The following ANKS1B variants were observed in gnomAD, a reference collection of about 807,000 sequenced individuals.
ANKS1B encodes ankyrin repeat and sterile alpha motif domain-containing protein 1B.
ANKS1B carries 36 observed loss-of-function variants against 148.3 expected under a neutral mutation model. The observed-to-expected ratio is 0.24, with a 90% CI of 0.19 to 0.32. The LOEUF is 0.32. Among genes scored for constraint, ANKS1B ranks in the 10% least tolerant of loss-of-function variants. The probability of loss-of-function intolerance (pLI) is 1.00; values close to 1 mark genes in which losing one functional copy is unlikely to be tolerated. For missense variants in ANKS1B, 1,157 were observed against 1,542.6 expected (o/e 0.75, Z 4.19); for synonymous variants, 542 against 560.8 (o/e 0.97, Z 0.47).
At chr12:99,849,938 T>C (rs1487883546) in intron 1 of ANKS1B, among the ~76,000 whole-genome samples, 2 of 152,114 alleles carry the variant, frequency 1.3e-5, no homozygotes, top group Non-Finnish European at 2.9e-5. Flanking sequence ...TGTAAACTTA[T>C]GATTTACATA....
intron 17 of ANKS1B, among the ~76,000 whole-genome samples, chr12:98,934,731 T>C (rs777721721): frequency 6.6e-6 from 1 of 152,062 alleles, no homozygotes; most frequent in Admixed American, 6.6e-5. Context: ...CTATTGTAAA[T>C]AGAATTTTTT....
At chr12:98,941,715 T>A (rs573200723) in intron 17 of ANKS1B, among the ~76,000 whole-genome samples, 3 of 152,374 alleles carry the variant, frequency 2.0e-5, no homozygotes, top group South Asian at 4.1e-4. Flanking sequence ...CATTTAAAGA[T>A]GTATCCTTTT....
chr12:99,717,369 C>T (rs929894136), intron 8 of ANKS1B, among the ~76,000 whole-genome samples: 1 of 152,196 alleles, frequency 6.6e-6, no homozygotes, highest in African/African-American at 2.4e-5. Context: ...GAGACAAACC[C>T]CAGCCACATC....
intron 17 of ANKS1B, among the ~76,000 whole-genome samples, chr12:99,009,125 C>T (rs2099937828): frequency 6.6e-6 from 1 of 152,178 alleles, no homozygotes; most frequent in Non-Finnish European, 1.5e-5. Context: ...ATTATGGAAT[C>T]TACTTCAGGC....
intron 1 of ANKS1B, among the ~76,000 whole-genome samples, chr12:99,844,856 T>C (rs1309300564): frequency 2.0e-5 from 3 of 152,226 alleles, no homozygotes; most frequent in Non-Finnish European, 4.4e-5. Context: ...TAATTCTTCC[T>C]TTCCATGAGC....
intron 3 of ANKS1B, among the ~76,000 whole-genome samples, chr12:99,807,315 G>T (rs2067753943): frequency 6.6e-6 from 1 of 152,176 alleles, no homozygotes; most frequent in Non-Finnish European, 1.5e-5. Context: ...GTTACTAGGA[G>T]TATCACAGTA....
chr12:99,719,547 A>G (rs573606699), intron 8 of ANKS1B, among the ~76,000 whole-genome samples: 2 of 152,196 alleles, frequency 1.3e-5, no homozygotes, highest in South Asian at 4.1e-4. Flanking sequence ...TATCTTCCAC[A>G]TCTATTATTG....
At chr12:98,988,626 G>A (rs1598088130) in intron 17 of ANKS1B, among the ~76,000 whole-genome samples, 1 of 151,978 alleles carries the variant, frequency 6.6e-6, no homozygotes, top group Non-Finnish European at 1.5e-5. Flanking sequence ...TCTCAGTGGT[G>A]GGATTATTAG....
intron 7 of ANKS1B, among the ~76,000 whole-genome samples, chr12:99,774,164 GCAAATAAAA>G (rs1347476918): frequency 2.0e-5 from 3 of 152,004 alleles, no homozygotes; most frequent in African/African-American, 7.2e-5. Flanking sequence ...CTTCTGCACT[GCAAATAAAA>G]CAATCAACAC....
chr12:99,326,782 T>C (rs1227730068), intron 12 of ANKS1B, among the ~76,000 whole-genome samples: 3 of 151,348 alleles, frequency 2.0e-5, no homozygotes, highest in Non-Finnish European at 2.9e-5. Context: ...GATATTAGCA[T>C]TGCAGTTCAA....
chr12:99,805,460 C>T (rs1376705612), intron 4 of ANKS1B, among the ~76,000 whole-genome samples: 2 of 151,268 alleles, frequency 1.3e-5, no homozygotes, highest in Non-Finnish European at 2.9e-5. Flanking sequence ...CTCATCTCTA[C>T]AAAAAATACA....
chr12:99,442,591 A>C (rs1204165422), intron 11 of ANKS1B, among the ~76,000 whole-genome samples: 1 of 151,960 alleles, frequency 6.6e-6, no homozygotes, highest in African/African-American at 2.4e-5. Flanking sequence ...AAACACTGAA[A>C]CACAAATTGC....
intron 17 of ANKS1B, among the ~76,000 whole-genome samples, chr12:98,845,737 T>A (rs78116372): frequency 2.1e-4 from 32 of 150,924 alleles, no homozygotes; most frequent in Non-Finnish European, 2.5e-4. Context: ...TTTTTTTTTT[T>A]AATTAAGGTA....
At chr12:98,752,248 C>A (rs1250034850) in intron 25 of ANKS1B, among the ~76,000 whole-genome samples, 2 of 140,400 alleles carry the variant, frequency 1.4e-5, no homozygotes, top group Non-Finnish European at 3.1e-5. Context: ...GGCTGTGTCA[C>A]GGGTGCATTT....
At chr12:99,582,680 C>G (rs2097582405) in intron 9 of ANKS1B, among the ~76,000 whole-genome samples, 1 of 152,006 alleles carries the variant, frequency 6.6e-6, no homozygotes, top group African/African-American at 2.4e-5. Context: ...TTGCTTAAGT[C>G]AAGATAATGA....
At chr12:99,173,426 A>G (rs2078016623) in intron 14 of ANKS1B, among the ~76,000 whole-genome samples, 1 of 152,184 alleles carries the variant, frequency 6.6e-6, no homozygotes, top group South Asian at 2.1e-4. Flanking sequence ...ATAAATTTTC[A>G]GAGAATTTGA....
chr12:98,736,021 C>T (rs955444344), intron 9 of ANKS1B, among the ~76,000 whole-genome samples: 1 of 152,144 alleles, frequency 6.6e-6, no homozygotes, highest in Non-Finnish European at 1.5e-5. Flanking sequence ...AGCAGCCAGA[C>T]GGCCCATGTG....
At chr12:99,761,065 C>CA (rs60542272) in intron 8 of ANKS1B, among the ~76,000 whole-genome samples, 25,022 of 98,534 alleles carry the variant, frequency 0.25, 3,487 homozygotes, top group Non-Finnish European at 0.32. Flanking sequence ...GCCTAACAAC[C>CA]AAAAAAAAAA....
chr12:99,948,046 G>A (rs779357933), intron 1 of ANKS1B, among the ~76,000 whole-genome samples: 2 of 152,094 alleles, frequency 1.3e-5, no homozygotes, highest in African/African-American at 2.4e-5. Flanking sequence ...CTACCTTAAG[G>A]TCAACTGATT....
Sources: gnomAD v4.1 joint callset for allele counts (sites outside exome capture counted in the v4.1 genomes callset) on GRCh38, gnomAD v4.1.1 for gene constraint, MANE v1.5 for transcripts, NCBI Gene and HGNC (gene_info 2026-07-23, HGNC 2026-07-21) for gene names.